The following P2RY8 variants were observed in gnomAD, a reference collection of about 807,000 sequenced individuals.
P2RY8 encodes P2Y receptor family member 8, also known as S-geranylgeranyl-glutathione receptor P2RY8.
A neutral mutation model predicts 10.0 loss-of-function variants in P2RY8; 6 were observed. The ratio of observed to expected loss-of-function variants is 0.60; its 90% CI spans 0.33 to 1.19. The LOEUF (loss-of-function observed/expected upper bound fraction) is 1.19, where lower values mean the gene tolerates loss of function less well. Ranked by LOEUF, P2RY8 falls within the 50% of genes most tolerant of loss-of-function variation. The pLI, the probability that P2RY8 is intolerant of heterozygous loss-of-function variation, is 0.04. For missense variants in P2RY8, 456 were observed against 542.0 expected, an observed-to-expected ratio of 0.84 and a Z score of 1.58; for synonymous variants, 276 against 252.5, an observed-to-expected ratio of 1.09 and a Z score of -0.88.
At chrX:1,494,613 T>C (rs1181641434) in intron 1 of P2RY8, among the ~76,000 whole-genome samples, 2 of 152,172 alleles carry the variant, frequency 1.3e-5, no homozygotes, top group Non-Finnish European at 2.9e-5. Context: ...AGAAAATGGG[T>C]TAAACTTAAG....
intron 1 of P2RY8, among the ~76,000 whole-genome samples, chrX:1,505,687 G>C (rs1479055588): frequency 4.6e-5 from 7 of 152,094 alleles, no homozygotes; most frequent in African/African-American, 1.7e-4. Flanking sequence ...CTACTCGGGA[G>C]GCTGAGGCAG....
intron 1 of P2RY8, among the ~76,000 whole-genome samples, chrX:1,495,047 C>G (rs1259288128): frequency 6.6e-6 from 1 of 152,014 alleles, no homozygotes; most frequent in Non-Finnish European, 1.5e-5. Context: ...GTAGTCAGTA[C>G]TCATTGGATG....
intron 1 of P2RY8, among the ~76,000 whole-genome samples, chrX:1,535,726 C>G (rs1343098543): frequency 9.9e-5 from 13 of 131,368 alleles, no homozygotes; most frequent in Non-Finnish European, 1.8e-4. Flanking sequence ...GACACACACA[C>G]AGACACACAC....
rs1383257689 is a variant in P2RY8 at position 1,463,508 on chromosome X, A to G, written c.*1971T>C. The G allele has an allele frequency of 4.3e-6, 1 of 232,110 alleles. No homozygotes were observed. Among genetic ancestry groups the G allele is most frequent in the East Asian group, 6.1e-5 (1 of 16,490 alleles). The allele number at this position is 232,110 out of a possible 1,614,324, so 14.4% of individuals were successfully genotyped here. On this transcript the variant is annotated 3_prime_UTR_variant, in exon 2 of 2. Coordinates refer to ENST00000381297, the MANE Select transcript of P2RY8 (RefSeq NM_178129.5). The stretch of plus-strand genomic sequence containing the variant: ...CTGTGTCTCCTCTTCTGTCTCTTGG[A>G]AGGACACCTGTCATGGCATTTAGGG...
At chrX:1,466,634 C>G in intron 1 of P2RY8, 52 bp from the exon 2 acceptor site, 3 of 1,510,570 alleles carry the variant, frequency 2.0e-6, no homozygotes, top group Non-Finnish European at 2.7e-6. Context: ...GGTAAAGAGG[C>G]GGCTGCCGGG....
chrX:1,472,813 G>T (rs374112217), intron 1 of P2RY8, among the ~76,000 whole-genome samples: 2 of 150,512 alleles, frequency 1.3e-5, no homozygotes, highest in Non-Finnish European at 3.0e-5. Flanking sequence ...GTAGATGGAT[G>T]GGTGGATGTA....
At chrX:1,520,790 C>A (rs1237716615) in intron 1 of P2RY8, among the ~76,000 whole-genome samples, 5 of 151,966 alleles carry the variant, frequency 3.3e-5, no homozygotes, top group Non-Finnish European at 7.4e-5. Context: ...CCAATAATCT[C>A]CCTCATCCTC....
intron 1 of P2RY8, among the ~76,000 whole-genome samples, chrX:1,521,057 A>G (rs1364097267): frequency 1.1e-5 from 1 of 87,672 alleles, no homozygotes; most frequent in Non-Finnish European, 1.9e-5. Flanking sequence ...TTTTTTTGAG[A>G]CAGAGTCTCA....
chrX:1,505,773 G>T lies in P2RY8; in HGVS notation c.-25+31148C>A, dbSNP rs768251903. On this transcript the variant is annotated intron_variant, in intron 1 of 1. Transcript: ENST00000381297. ...CCATTGCACTCCAGCTTGGGCGACA[G>T]AGCAAGACTGCGTCTCAAAAACAAA... Among the ~76,000 whole-genome samples, 3 of 152,236 alleles carry T rather than the reference G, an allele frequency of 2.0e-5. No homozygotes were observed. In the South Asian group the frequency reaches 6.2e-4, roughly 32 times the overall value.
At chrX:1,468,760 C>CT (rs2091731234) in intron 1 of P2RY8, among the ~76,000 whole-genome samples, 1 of 382 alleles carries the variant, frequency 2.6e-3, no homozygotes, top group African/African-American at 8.8e-3. Context: ...TCCCCTCTCC[C>CT]CTCTCCCCTC....
chrX:1,476,167 C>T (rs2091870380), intron 1 of P2RY8, among the ~76,000 whole-genome samples: 1 of 152,116 alleles, frequency 6.6e-6, no homozygotes, highest in Non-Finnish European at 1.5e-5. Flanking sequence ...CAGGAAGAAT[C>T]CAGCTTTGGG....
chrX:1,504,654 C>T (rs1380668121), intron 1 of P2RY8, among the ~76,000 whole-genome samples: 3 of 151,908 alleles, frequency 2.0e-5, no homozygotes, highest in Admixed American at 2.0e-4. Context: ...GAGTTTGAGA[C>T]CAGCCTGGCC....
intron 1 of P2RY8, among the ~76,000 whole-genome samples, chrX:1,535,467 C>A (rs1225749757): frequency 6.6e-6 from 1 of 151,450 alleles, no homozygotes. Flanking sequence ...GGATTACAGG[C>A]GTCTGTCACC....
Position 1,464,138 on chromosome X carries a change from C to T in P2RY8, c.*1341G>A, listed in dbSNP as rs1438087627. ...CATCCAAGGCCACCCACTGCGGAGACGCAGAGCCCGTGGGCAGACAGGCAG... is the reference window on the plus strand; with the variant it reads ...CATCCAAGGCCACCCACTGCGGAGATGCAGAGCCCGTGGGCAGACAGGCAG... On this transcript the variant is annotated 3_prime_UTR_variant, in exon 2 of 2. Transcript: ENST00000381297. 7 of 233,228 alleles carry T rather than the reference C, an allele frequency of 3.0e-5. No homozygotes were observed. The highest frequency in any genetic ancestry group is 6.0e-5 in the East Asian group (1 of 16,602). The allele number at this position is 233,228 out of a possible 1,614,324, so 14.4% of individuals were successfully genotyped here.
intron 1 of P2RY8, among the ~76,000 whole-genome samples, chrX:1,535,184 CTTTTTTTTT>C (rs539683722): frequency 1.2e-5 from 1 of 80,648 alleles, no homozygotes; most frequent in East Asian, 3.9e-4. Context: ...GGGATAATTC[CTTTTTTTTT>C]TTTTTTTTTT....
intron 1 of P2RY8, among the ~76,000 whole-genome samples, chrX:1,512,232 G>A (rs1401110118): frequency 6.6e-6 from 1 of 152,082 alleles, no homozygotes; most frequent in African/African-American, 2.4e-5. Context: ...CACGGTATTA[G>A]TCTGTTCTCA....
chrX:1,485,675 A>C lies in P2RY8; in HGVS notation c.-24-19093T>G, dbSNP rs28713718. 8.5e-3 allele frequency among the ~76,000 whole-genome samples: 1,256 copies of C among 147,940 alleles called. 14 individuals carry two copies. Among genetic ancestry groups the C allele is most frequent in the African/African-American group, 0.029 (1,180 of 40,822 alleles). ...ATATATTATTGTTATATAATAATTT[A>C]TTTACAACTTATTTTATTATAAATT... On this transcript the variant is annotated intron_variant, in intron 1 of 1. Transcript: ENST00000381297.
At chrX:1,515,514 G>T (rs1328749235) in intron 1 of P2RY8, among the ~76,000 whole-genome samples, 1 of 151,442 alleles carries the variant, frequency 6.6e-6, no homozygotes, top group Non-Finnish European at 1.5e-5. Context: ...TGGGACTACA[G>T]GTGCCCGCCA....
At chrX:1,487,247 CG>C (rs2091995163) in intron 1 of P2RY8, among the ~76,000 whole-genome samples, 1 of 152,166 alleles carries the variant, frequency 6.6e-6, no homozygotes, top group African/African-American at 2.4e-5. Flanking sequence ...TTGTCTTTCC[CG>C]GCCACACAGA....
Sources: gnomAD v4.1 joint callset for allele counts (sites outside exome capture counted in the v4.1 genomes callset) on GRCh38, gnomAD v4.1.1 for gene constraint, MANE v1.5 for transcripts, NCBI Gene and HGNC (gene_info 2026-07-23, HGNC 2026-07-21) for gene names.